The following ANKRD30A variants were observed in gnomAD, a reference collection of about 807,000 sequenced individuals.
ANKRD30A encodes ankyrin repeat domain 30A, also known as ankyrin repeat domain-containing protein 30A.
A neutral mutation model predicts 166.3 loss-of-function variants in ANKRD30A; 170 were observed. That is an observed-to-expected ratio of 1.02 (90% confidence interval 0.90 to 1.16). The LOEUF (loss-of-function observed/expected upper bound fraction) is 1.16, where lower values mean the gene tolerates loss of function less well. Ranked by LOEUF, ANKRD30A falls within the 50% of genes most tolerant of loss-of-function variation. ANKRD30A has a pLI of 0.00. For synonymous variants in ANKRD30A, 564 were observed against 508.9 expected, an observed-to-expected ratio of 1.11 and a Z score of -1.46; for missense variants, 1,630 against 1,518.0, an observed-to-expected ratio of 1.07 and a Z score of -1.23.
chr10:37,152,672 T>C (rs1838043509), intron 12 of ANKRD30A, among the ~76,000 whole-genome samples: 1 of 152,080 alleles, frequency 6.6e-6, no homozygotes, highest in African/African-American at 2.4e-5. Context: ...AACAAGAGTA[T>C]TGGTTGAGTA....
intron 29 of ANKRD30A, 127 bp downstream of exon 29, chr10:37,197,607 A>G: frequency 7.1e-7 from 1 of 1,412,174 alleles, no homozygotes; most frequent in Non-Finnish European, 9.6e-7. Context: ...TAATGCCAAT[A>G]CTGGTATTGA....
intron 13 of ANKRD30A, among the ~76,000 whole-genome samples, 176 bp from the exon 14 acceptor site, chr10:37,158,215 TA>T (rs1442948441): frequency 6.6e-6 from 1 of 152,212 alleles, no homozygotes; most frequent in East Asian, 1.9e-4. Flanking sequence ...TTCTTAGGTA[TA>T]TTTCTGTCAC....
rs538532806 is a variant in ANKRD30A at position 37,178,462 on chromosome 10, G to A, written c.2421+2244G>A. 9.4e-4 allele frequency: 843 copies of A among 899,046 alleles called. 39 individuals carry two copies. Among genetic ancestry groups the A allele is most frequent in the Middle Eastern group, 8.3e-3 (15 of 1,816 alleles). The allele number at this position is 899,046 out of a possible 1,614,324, so 55.7% of individuals were successfully genotyped here. A position where few individuals can be genotyped will look rare whatever the true frequency, so the allele number is the denominator to read the frequency against. ...ACCTGGGATTCTGCATTTTTAAAAA[G>A]TTCTCAGGTGATGCTGATGCTGGTG... is the stretch of plus-strand genomic sequence containing the variant. On this transcript the variant is annotated intron_variant, in intron 24 of 35. Coordinates refer to ENST00000361713, the MANE Select transcript of ANKRD30A (RefSeq NM_052997.3).
At chr10:37,229,440 G>A (rs1396177968) in intron 34 of ANKRD30A, among the ~76,000 whole-genome samples, 3 of 151,928 alleles carry the variant, frequency 2.0e-5, no homozygotes, top group Non-Finnish European at 4.4e-5. Flanking sequence ...AATGTGTAAT[G>A]CTCAAATCAA....
At chr10:37,225,395 CA>C (rs1206091532) in intron 34 of ANKRD30A, among the ~76,000 whole-genome samples, 1 of 151,530 alleles carries the variant, frequency 6.6e-6, no homozygotes, top group Admixed American at 6.6e-5. Flanking sequence ...TACATTCCTG[CA>C]GATATAAGAA....
intron 26 of ANKRD30A, 46 bp downstream of exon 26, chr10:37,193,138 A>C (rs1260721615): frequency 3.1e-6 from 5 of 1,606,830 alleles, no homozygotes; most frequent in Non-Finnish European, 4.3e-6. Context: ...TACATATTTT[A>C]TGAAGTATAC....
chr10:37,160,489 C>A (rs2132589134), intron 15 of ANKRD30A, among the ~76,000 whole-genome samples: 1 of 152,182 alleles, frequency 6.6e-6, no homozygotes, highest in Non-Finnish European at 1.5e-5. Context: ...ATGCTCAGAT[C>A]AGAAGTTAGA....
At chr10:37,249,343 T>C in the ANKRD30A span, among the ~76,000 whole-genome samples, 768 of 152,292 alleles carry the variant, frequency 5.0e-3, 9 homozygotes, top group African/African-American at 0.017. Flanking sequence ...CCCATTTTCA[T>C]TGGATTATTT....
At chr10:37,258,090 A>G in the ANKRD30A span, among the ~76,000 whole-genome samples, 3 of 152,182 alleles carry the variant, frequency 2.0e-5, no homozygotes, top group African/African-American at 7.2e-5. Flanking sequence ...TAGGTAACAA[A>G]CCTGCATATT....
At chr10:37,166,157 G>T (rs1174242912) in intron 18 of ANKRD30A, among the ~76,000 whole-genome samples, 1 of 152,078 alleles carries the variant, frequency 6.6e-6, no homozygotes, top group Admixed American at 6.6e-5. Flanking sequence ...ATCATGACAT[G>T]CATGATTTTT....
chr10:37,192,409 G>A (rs1840667091), intron 25 of ANKRD30A, among the ~76,000 whole-genome samples: 1 of 151,924 alleles, frequency 6.6e-6, no homozygotes, highest in South Asian at 2.1e-4. Flanking sequence ...ATTTTAAGAG[G>A]ACTAAACTAG....
At chr10:37,179,008 C>T (rs372657690) in intron 24 of ANKRD30A, among the ~76,000 whole-genome samples, 127 of 122,086 alleles carry the variant, frequency 1.0e-3, no homozygotes, top group African/African-American at 3.7e-3. Flanking sequence ...TACTATGAGG[C>T]GTCAAATATA....
intron 8 of ANKRD30A, among the ~76,000 whole-genome samples, chr10:37,145,433 T>G (rs964611107): frequency 2.2e-4 from 34 of 152,152 alleles, no homozygotes; most frequent in Non-Finnish European, 3.5e-4. Context: ...GCTGAGATCG[T>G]GCCATTGCAC....
Position 37,125,836 on chromosome 10 carries a change from C to A in ANKRD30A, c.49C>A (p.Arg17Ser). ...TGTCAAGGTCGTGCCGGGCCCGGAG[C>A]GCCCGAGCCCTTTCAGCCAGCTAGT... ...AAVKVVPGPE[R>S]PSPFSQLVYT... The change falls in exon 1 of 36, where the codon CGC becomes AGC. Residue 17 changes from arginine (R) to serine (S), a missense_variant. Arg to Ser is a moderately radical substitution (Grantham distance 110). This residue lies in a region of ANKRD30A where 904 missense variants were observed against 818.5 expected (regional missense o/e 1.10). Transcript: ENST00000361713. The A allele has an allele frequency of 9.8e-7, 1 of 1,022,248 alleles. No individual in the cohort carries two copies. The highest frequency in any genetic ancestry group is 1.5e-6 in the Non-Finnish European group (1 of 681,728). 63.3% of individuals were successfully genotyped at this position (1,022,248 alleles called of 1,614,324 possible). A position where few individuals can be genotyped will look rare whatever the true frequency, so the allele number is the denominator to read the frequency against.
At chr10:37,206,953 CTTAA>C (rs1275467035) in intron 31 of ANKRD30A, among the ~76,000 whole-genome samples, 10 of 152,054 alleles carry the variant, frequency 6.6e-5, no homozygotes, top group Non-Finnish European at 8.8e-5. Context: ...AATGGTTATA[CTTAA>C]TTAATATTTA....
chr10:37,219,993 A>ATATATATATATATATATATC (rs1842814534), intron 34 of ANKRD30A, 96 bp downstream of exon 34: 1 of 6,634 alleles, frequency 1.5e-4, no homozygotes, highest in Non-Finnish European at 4.9e-4. Flanking sequence ...AGTTGAATAT[A>ATATATATATATATATATATC]TATATATATA....
At chr10:37,202,484 A>G (rs1841700389) in intron 31 of ANKRD30A, among the ~76,000 whole-genome samples, 1 of 152,240 alleles carries the variant, frequency 6.6e-6, no homozygotes, top group Admixed American at 6.5e-5. Flanking sequence ...ACACATTTAA[A>G]GCAGTGTGTA....
At chr10:37,148,314 A>T (rs932389899) in intron 9 of ANKRD30A, among the ~76,000 whole-genome samples, 1 of 152,102 alleles carries the variant, frequency 6.6e-6, no homozygotes, top group South Asian at 2.1e-4. Flanking sequence ...ATTTCTGAGT[A>T]TGCTTTTAGC....
intron 15 of ANKRD30A, among the ~76,000 whole-genome samples, chr10:37,161,807 T>C (rs1397198916): frequency 1.3e-5 from 2 of 152,300 alleles, no homozygotes; most frequent in East Asian, 3.9e-4. Context: ...GTTGTTTTGG[T>C]AAAATTGCCA....
Sources: allele counts gnomAD v4.1 joint callset (sites outside exome capture counted in the v4.1 genomes callset), GRCh38; gene constraint gnomAD v4.1.1; regional missense constraint gnomAD v4.1.1; transcripts MANE v1.5; gene names NCBI Gene and HGNC (gene_info 2026-07-23, HGNC 2026-07-21).